The following CDH23 variants were observed in gnomAD, a reference collection of about 807,000 sequenced individuals.
CDH23 encodes the protein cadherin-23.
Under a neutral mutation model 317.1 loss-of-function variants are expected in CDH23, and 189 were observed. The observed-to-expected ratio is 0.60, with a 90% CI of 0.53 to 0.67. The LOEUF (loss-of-function observed/expected upper bound fraction) is 0.67. Ranked by LOEUF, CDH23 falls within the 30% of genes least tolerant of loss-of-function variation. The probability of loss-of-function intolerance (pLI) is 0.00; values close to 1 mark genes in which losing one functional copy is unlikely to be tolerated. For synonymous variants in CDH23, 1,839 were observed against 1,876.8 expected (o/e 0.98, Z 0.52); for missense variants, 4,401 against 4,592.4 (o/e 0.96, Z 1.20).
chr10:71,455,454 T>TTAGA (rs1035340689), intron 3 of CDH23, among the ~76,000 whole-genome samples: 9 of 152,222 alleles, frequency 5.9e-5, no homozygotes, highest in African/African-American at 2.2e-4. Context: ...GATAGATAGA[T>TTAGA]TAGATAGATA....
intron 11 of CDH23, among the ~76,000 whole-genome samples, chr10:71,623,875 C>A (rs1861584224): frequency 6.6e-6 from 1 of 152,158 alleles, no homozygotes; most frequent in Admixed American, 6.5e-5. Context: ...CCTTCCACTA[C>A]CACACCTACC....
chr10:71,665,241 G>A (rs1397530916), intron 14 of CDH23, among the ~76,000 whole-genome samples: 1 of 152,098 alleles, frequency 6.6e-6, no homozygotes, highest in Non-Finnish European at 1.5e-5. Flanking sequence ...CTATCCGCTG[G>A]CAAGAACCGT....
In CDH23 at chr10:71,404,193, T is replaced by C. The variant is rs1158189453; in HGVS notation, c.-6+6875T>C. On this transcript the variant is annotated intron_variant, in intron 1 of 69. Coordinates refer to ENST00000224721, the MANE Select transcript of CDH23 (RefSeq NM_022124.6). ...GTGAATTTTCGCATATATATACACC[T>C]GTGTAACCGCCTCACTGCCATGGAG... Among the ~76,000 whole-genome samples the C allele has an allele frequency of 2.0e-5, 3 of 152,236 alleles. No homozygotes were observed. In the South Asian group the frequency reaches 6.2e-4, roughly 31 times the overall value.
chr10:71,729,161 A>G (rs1327621388), intron 30 of CDH23, among the ~76,000 whole-genome samples: 1 of 152,206 alleles, frequency 6.6e-6, no homozygotes, highest in Non-Finnish European at 1.5e-5. Context: ...AAACTGTATT[A>G]CGTTCATGAT....
intron 6 of CDH23, among the ~76,000 whole-genome samples, chr10:71,531,167 C>T (rs943566009): frequency 6.6e-6 from 1 of 152,230 alleles, no homozygotes; most frequent in Non-Finnish European, 1.5e-5. Flanking sequence ...GAACCCAGCC[C>T]TTGGGCCCAG....
At chr10:71,687,826 C>T in intron 19 of CDH23, 107 bp downstream of exon 19, 1 of 1,037,182 alleles carries the variant, frequency 9.6e-7, no homozygotes, top group Non-Finnish European at 1.5e-6. Context: ...GTGGGAGGTC[C>T]ATGGCCTTCT....
At position 71,566,669 on chromosome 10, in the gene CDH23, G is replaced by A. The variant is rs1053092538; in HGVS notation, c.430-73G>A. 2.2e-6 allele frequency: 3 copies of A among 1,370,530 alleles called. No homozygotes were observed. In the African/African-American group the frequency reaches 4.3e-5, roughly 20 times the overall value. 84.9% of individuals were successfully genotyped at this position (1,370,530 alleles called of 1,614,324 possible). On this transcript the variant is annotated intron_variant, in intron 6 of 69. Coordinates refer to ENST00000224721, the MANE Select transcript of CDH23 (RefSeq NM_022124.6). ...CTGAAGGATGTAGAGAATGGGCTTT[G>A]AGGGACTCAGCCCTGATGGCGCAGC... is the stretch of plus-strand genomic sequence containing the variant.
chr10:71,616,220 G>A (rs550320454), intron 10 of CDH23, among the ~76,000 whole-genome samples: 2 of 152,340 alleles, frequency 1.3e-5, no homozygotes, highest in African/African-American at 2.4e-5. Context: ...TCTGAGCCAC[G>A]GGGGGTCTTC....
At chr10:71,799,751 C>T (rs952478308) in intron 52 of CDH23, 122 bp downstream of exon 52, 1 of 1,359,786 alleles carries the variant, frequency 7.4e-7, no homozygotes, top group African/African-American at 1.4e-5. Context: ...TCTGCATCCC[C>T]AGAGGTTCTT....
chr10:71,735,963 C>G (rs1839552478), intron 34 of CDH23, among the ~76,000 whole-genome samples: 1 of 152,280 alleles, frequency 6.6e-6, no homozygotes, highest in African/African-American at 2.4e-5. Flanking sequence ...AAGTGGGACC[C>G]TCTTACTGAG....
intron 27 of CDH23, among the ~76,000 whole-genome samples, chr10:71,709,935 G>A (rs1865914066): frequency 6.6e-6 from 1 of 152,154 alleles, no homozygotes; most frequent in Non-Finnish European, 1.5e-5. Flanking sequence ...ATGGATGGTA[G>A]CACGCAAAGA....
intron 38 of CDH23, among the ~76,000 whole-genome samples, chr10:71,773,904 G>A (rs1171795995): frequency 1.3e-5 from 2 of 152,148 alleles, no homozygotes; most frequent in Admixed American, 1.3e-4. Context: ...CCAGACCAGG[G>A]CTTGGTATGT....
chr10:71,796,647 G>A (rs1181449117), intron 48 of CDH23, among the ~76,000 whole-genome samples: 1 of 152,192 alleles, frequency 6.6e-6, no homozygotes, highest in Non-Finnish European at 1.5e-5. Context: ...TTTAATTGTA[G>A]AGTCCAGTAG....
chr10:71,730,469 G>T lies in CDH23; in HGVS notation c.3580G>T (p.Val1194Leu). 6.2e-7 allele frequency: 1 copy of T among 1,613,614 alleles called. No individual in the cohort carries two copies. The highest frequency in any genetic ancestry group is 8.5e-7 in the Non-Finnish European group (1 of 1,179,824). Residue 1194 changes from valine (V) to leucine (L), a missense_variant and splice_region_variant, in exon 31 of 70, where the codon GTG becomes TTG. Physicochemically the swap from Val to Leu is conservative, Grantham distance 32. Around this residue, in one of 3 missense-constraint regions of CDH23, gnomAD observed 3,068 missense variants for 3,203.3 expected, o/e 0.96. Coordinates refer to ENST00000224721, the MANE Select transcript of CDH23 (RefSeq NM_022124.6). ...TGCACCCCTGGCCCGGCTCCCACAG[G>T]TGATTGTGTACGTGGAGGACATCAA... ...DLGPMRSSVR[V>L]IVYVEDINDE...
chr10:71,558,714 T>C (rs1856985571), intron 6 of CDH23, among the ~76,000 whole-genome samples: 1 of 152,212 alleles, frequency 6.6e-6, no homozygotes, highest in Non-Finnish European at 1.5e-5. Flanking sequence ...TGGGACTGCT[T>C]GTTAGCCAGT....
At chr10:71,752,581 C>A (rs1840032463) in intron 38 of CDH23, among the ~76,000 whole-genome samples, 1 of 152,198 alleles carries the variant, frequency 6.6e-6, no homozygotes, top group Non-Finnish European at 1.5e-5. Context: ...TTGTGGCCTG[C>A]AGCGGCCTAA....
Position 71,812,002 on chromosome 10 carries a change from T to C in CDH23, c.9367T>C (p.Tyr3123His). The change falls in exon 66 of 70, where the codon TAC (tyrosine) becomes CAC (histidine). Residue 3123 changes from tyrosine to histidine, a missense_variant. Tyr to His is a moderately conservative substitution (Grantham distance 83). Around this residue, in one of 3 missense-constraint regions of CDH23, gnomAD observed 1,144 missense variants for 1,138.2 expected, o/e 1.01. Coordinates refer to ENST00000224721, the MANE Select transcript of CDH23 (RefSeq NM_022124.6). ...DIMDMPNTNKYSFDGANPVWL... is the reference protein window; with the variant it reads ...DIMDMPNTNKHSFDGANPVWL... ...CATGGACATGCCTAACACCAACAAG[T>C]ACTCCTTTGATGGGTGAGTGGGGTA... The C allele has an allele frequency of 3.1e-6, 5 of 1,613,098 alleles. No homozygotes were observed. Among genetic ancestry groups the C allele is most frequent in the Non-Finnish European group, 4.2e-6 (5 of 1,179,716 alleles).
rs397517321 is a variant in CDH23 at position 71,712,775 on chromosome 10, G to A, written c.3331G>A (p.Val1111Ile). The change falls in exon 28 of 70, where the codon GTC becomes ATC. Residue 1111 changes from valine (V) to isoleucine (I), a missense_variant. Physicochemically the swap from Val to Ile is conservative, Grantham distance 29. Transcript: ENST00000224721. ...IFLQSSYEAS[V>I]PEDIPEGHSI... Reference sequence around the variant, plus strand: ...TCTGCAGAGCAGCTATGAGGCCAGCGTCCCTGAGGACATCCCTGAAGGCCA... The same window carrying A: ...TCTGCAGAGCAGCTATGAGGCCAGCATCCCTGAGGACATCCCTGAAGGCCA... 1.3e-4 allele frequency: 210 copies of A among 1,612,936 alleles called. No individual in the cohort carries two copies. Among genetic ancestry groups the A allele is most frequent in the Non-Finnish European group, 1.6e-4 (187 of 1,179,664 alleles).
At chr10:71,699,655 T>G (rs1329946128) in intron 22 of CDH23, among the ~76,000 whole-genome samples, 1 of 152,204 alleles carries the variant, frequency 6.6e-6, no homozygotes, top group East Asian at 1.9e-4. Context: ...TTAGAGCCTT[T>G]CAAAGCCCTC....
Sources: gnomAD v4.1 joint callset for allele counts (sites outside exome capture counted in the v4.1 genomes callset) on GRCh38, gnomAD v4.1.1 for gene constraint, gnomAD v4.1.1 regional missense constraint, MANE v1.5 for transcripts, NCBI Gene and HGNC (gene_info 2026-07-23, HGNC 2026-07-21) for gene names.